SH3PXD2A: variants seen among roughly 807,000 people sequenced by gnomAD.
SH3PXD2A encodes the protein SH3 and PX domain-containing protein 2A.
A neutral mutation model predicts 115.2 loss-of-function variants in SH3PXD2A; 32 were observed. That is an observed-to-expected ratio of 0.28 (90% CI 0.21 to 0.37). The LOEUF is 0.37. Ranked by LOEUF, SH3PXD2A falls within the 10% of genes least tolerant of loss-of-function variation. The pLI is 1.00. For missense variants in SH3PXD2A, 1,328 were observed against 1,498.7 expected, an observed-to-expected ratio of 0.89 and a Z score of 1.88; for synonymous variants, 610 against 629.1, an observed-to-expected ratio of 0.97 and a Z score of 0.45.
intron 6 of SH3PXD2A, among the ~76,000 whole-genome samples, chr10:103,686,205 G>C (rs2037675236): frequency 6.6e-6 from 1 of 152,218 alleles, no homozygotes; most frequent in Admixed American, 6.5e-5. Flanking sequence ...AAGAGAACAA[G>C]CTTGTAACAA....
intron 2 of SH3PXD2A, among the ~76,000 whole-genome samples, chr10:103,788,285 G>A (rs1026734593): frequency 1.3e-5 from 2 of 152,168 alleles, no homozygotes; most frequent in South Asian, 2.1e-4. Flanking sequence ...CTCCTGGAGG[G>A]TAACTCAGGT....
intron 3 of SH3PXD2A, among the ~76,000 whole-genome samples, chr10:103,753,317 CAAAAAAAA>C (rs60364879): frequency 0.17 from 10,955 of 62,808 alleles, 717 homozygotes; most frequent in South Asian, 0.34. Context: ...CTGCCTCTAC[CAAAAAAAA>C]AAAAAAAAAA....
chr10:103,691,078 G>A (rs936302005), intron 6 of SH3PXD2A, among the ~76,000 whole-genome samples: 3 of 152,000 alleles, frequency 2.0e-5, no homozygotes, highest in African/African-American at 7.3e-5. Flanking sequence ...AGATTGTGGC[G>A]GGGGACCTGA....
chr10:103,668,472 GC>G (rs1564858864), intron 7 of SH3PXD2A, 135 bp downstream of exon 7: 4 of 764,076 alleles, frequency 5.2e-6, no homozygotes, highest in Non-Finnish European at 6.7e-6. Flanking sequence ...ACAGCAAGTG[GC>G]AGACCCCCTG....
At chr10:103,835,818 T>G (rs550285779) in intron 1 of SH3PXD2A, among the ~76,000 whole-genome samples, 2 of 152,342 alleles carry the variant, frequency 1.3e-5, no homozygotes, top group East Asian at 3.9e-4. Flanking sequence ...CAGAGCCTTC[T>G]GCTCCCTATA....
intron 8 of SH3PXD2A, among the ~76,000 whole-genome samples, chr10:103,632,646 C>T (rs1564849234): frequency 6.6e-6 from 1 of 152,172 alleles, no homozygotes; most frequent in Non-Finnish European, 1.5e-5. Flanking sequence ...AAGGTAGTGG[C>T]AGGCTCTTCT....
intron 2 of SH3PXD2A, among the ~76,000 whole-genome samples, chr10:103,790,164 T>G (rs1463499022): frequency 1.3e-5 from 2 of 151,830 alleles, no homozygotes; most frequent in Admixed American, 1.3e-4. Context: ...ACTTTCTTTT[T>G]TTTTTTTTGA....
intron 6 of SH3PXD2A, among the ~76,000 whole-genome samples, chr10:103,689,766 G>A (rs1044239496): frequency 1.3e-5 from 2 of 152,138 alleles, no homozygotes; most frequent in Non-Finnish European, 2.9e-5. Flanking sequence ...GGAAGGAGCA[G>A]GTTCAATAGA....
chr10:103,659,372 GA>G, intron 8 of SH3PXD2A, among the ~76,000 whole-genome samples: 1 of 152,314 alleles, frequency 6.6e-6, no homozygotes, highest in South Asian at 2.1e-4. Context: ...TCCCTAGCCA[GA>G]AGTTCTGAGA....
intron 6 of SH3PXD2A, among the ~76,000 whole-genome samples, 164 bp downstream of exon 6, chr10:103,692,864 A>AG (rs2037774484): frequency 6.6e-6 from 1 of 152,014 alleles, no homozygotes; most frequent in Non-Finnish European, 1.5e-5. Flanking sequence ...TGGACTGAGG[A>AG]GGGGCAAGTG....
intron 1 of SH3PXD2A, among the ~76,000 whole-genome samples, chr10:103,836,682 T>TGTACACACACAC (rs113357317): frequency 3.4e-5 from 5 of 148,782 alleles, no homozygotes; most frequent in Non-Finnish European, 7.4e-5. Flanking sequence ...CACAGACATG[T>TGTACACACACAC]ACACACACAC....
Position 103,597,041 on chromosome 10 carries a change from G to A in SH3PXD2A, c.*4775C>T, listed in dbSNP as rs893159698. On this transcript the variant is annotated 3_prime_UTR_variant, in exon 15 of 15. Transcript: ENST00000369774. ...GGTGCTGAGGAAGGAGGCCAGATTG[G>A]TACCTGTTGTGGGAAGTTTTGTCTG... 2.6e-5 allele frequency: 4 copies of A among 152,570 alleles called. No homozygotes were observed. The highest frequency in any genetic ancestry group is 2.6e-4 in the Admixed American group (4 of 15,276). 9.5% of individuals were successfully genotyped at this position (152,570 alleles called of 1,614,324 possible). A position where few individuals can be genotyped will look rare whatever the true frequency, so the allele number is the denominator to read the frequency against.
At chr10:103,674,110 A>G (rs1451258879) in intron 6 of SH3PXD2A, among the ~76,000 whole-genome samples, 1 of 151,986 alleles carries the variant, frequency 6.6e-6, no homozygotes, top group African/African-American at 2.4e-5. Context: ...ATACAACTAA[A>G]CTTTGTACAG....
intron 14 of SH3PXD2A, among the ~76,000 whole-genome samples, chr10:103,604,823 T>G (rs1378399061): frequency 6.6e-6 from 1 of 152,204 alleles, no homozygotes; most frequent in East Asian, 1.9e-4. Context: ...CACATTATGC[T>G]CTTTACAGAC....
rs2036191188 is a variant in SH3PXD2A, at chr10:103,599,908, G to A, written c.*1908C>T. 6.6e-6 allele frequency: 1 copy of A among 151,878 alleles called. No individual in the cohort carries two copies. The highest frequency in any genetic ancestry group is 1.5e-5 in the Non-Finnish European group (1 of 68,002). The allele number at this position is 151,878 out of a possible 1,614,324, so 9.4% of individuals were successfully genotyped here. A position where few individuals can be genotyped will look rare whatever the true frequency, so the allele number is the denominator to read the frequency against. On this transcript the variant is annotated 3_prime_UTR_variant, in exon 15 of 15. Transcript: ENST00000369774. ...CACAGGCCTTCGACAAAGAACACGAGCCATTTGCTCTAGCTGCCAGGCATC... is the reference window on the plus strand; with the variant it reads ...CACAGGCCTTCGACAAAGAACACGAACCATTTGCTCTAGCTGCCAGGCATC...
Position 103,661,021 on chromosome 10 carries a change from G to T in SH3PXD2A, c.566C>A (p.Ala189Asp), listed in dbSNP as rs1312431998. Residue 189 changes from alanine (A) to aspartate (D), a missense_variant, in exon 8 of 15, where the codon GCC becomes GAC. By Grantham distance (126) the Ala-to-Asp change is moderately radical. Transcript: ENST00000369774. ...KQENSELSLQ[A>D]GEVVDVIEKN... ...CTCGATGACATCCACCACCTCCCCG[G>T]CCTGGAGGCTCAGCTCCGAGTTCTC... 9 of 1,613,990 alleles carry T rather than the reference G, an allele frequency of 5.6e-6. No individual in the cohort carries two copies. The highest frequency in any genetic ancestry group is 7.6e-6 in the Non-Finnish European group (9 of 1,179,970).
At chr10:103,679,466 G>GC (rs1184404279) in intron 6 of SH3PXD2A, among the ~76,000 whole-genome samples, 1 of 152,206 alleles carries the variant, frequency 6.6e-6, no homozygotes, top group African/African-American at 2.4e-5. Flanking sequence ...CCCTCCCTGC[G>GC]CCCCAGGAGA....
chr10:103,665,341 G>C lies in SH3PXD2A; in HGVS notation c.472+3267C>G, dbSNP rs770327089. The stretch of plus-strand genomic sequence containing the variant: ...AAATCTGAGGCAGGGTTTCAAAGCA[G>C]AGTTAAATCCACACCCCCACACCCC... On this transcript the variant is annotated intron_variant, in intron 7 of 14. Coordinates refer to ENST00000369774, the MANE Select transcript of SH3PXD2A (RefSeq NM_001394015.1). The surrounding 1 kb of genome is among the most constrained non-coding windows in gnomAD (Gnocchi z 4.0). Among the ~76,000 whole-genome samples the C allele has an allele frequency of 5.3e-5, 8 of 152,122 alleles. No individual in the cohort carries two copies. Among genetic ancestry groups the C allele is most frequent in the Non-Finnish European group, 7.4e-5 (5 of 68,022 alleles).
intron 10 of SH3PXD2A, among the ~76,000 whole-genome samples, chr10:103,621,688 GTTTGTTCAGCAGCCCAGCCCTGGGGC>G (rs944184273): frequency 4.6e-5 from 7 of 152,144 alleles, no homozygotes; most frequent in African/African-American, 2.4e-5. Flanking sequence ...ATGTTTAAGG[GTTTGTTCAGCAGCCCAGCCCTGGGGC>G]TTTGTTCCAC....
Sources: allele counts gnomAD v4.1 joint callset (sites outside exome capture counted in the v4.1 genomes callset), GRCh38; gene constraint gnomAD v4.1.1; non-coding constraint Gnocchi (gnomAD v3.1); transcripts MANE v1.5; gene names NCBI Gene and HGNC (gene_info 2026-07-23, HGNC 2026-07-21).